CDH18: variants seen among roughly 807,000 people sequenced by gnomAD.
The protein encoded by CDH18 is cadherin-18.
In CDH18, 31 loss-of-function variants were observed where a neutral mutation model predicts 67.9. That is an observed-to-expected ratio of 0.46 (90% CI 0.34 to 0.62). The LOEUF (loss-of-function observed/expected upper bound fraction) is 0.62, where lower values mean the gene tolerates loss of function less well. Among genes scored for constraint, CDH18 ranks in the 20% least tolerant of loss-of-function variants. The pLI, the probability that CDH18 is intolerant of heterozygous loss-of-function variation, is 0.01. For missense variants in CDH18, 890 were observed against 975.5 expected (o/e 0.91, Z 1.17); for synonymous variants, 362 against 347.2 (o/e 1.04, Z -0.48).
chr5:19,683,153 T>C (rs1479135387), intron 5 of CDH18, among the ~76,000 whole-genome samples: 1 of 151,882 alleles, frequency 6.6e-6, no homozygotes, highest in African/African-American at 2.4e-5. Context: ...GAAATTTGTG[T>C]TCTGCAAGTG....
chr5:20,471,303 C>A (rs550848378), intron 1 of CDH18, among the ~76,000 whole-genome samples: 15 of 152,230 alleles, frequency 9.9e-5, no homozygotes, highest in African/African-American at 3.1e-4. Flanking sequence ...CACAGTATCA[C>A]AAGGCACCAT....
Position 20,277,996 on chromosome 5 carries a change from T to C in CDH18, c.-579-22491A>G, listed in dbSNP as rs747123803. Among the ~76,000 whole-genome samples the C allele has an allele frequency of 1.2e-3, 180 of 151,912 alleles. 1 individual carries two copies. Among genetic ancestry groups the C allele is most frequent in the Non-Finnish European group, 2.0e-3 (134 of 67,948 alleles). On this transcript the variant is annotated intron_variant, in intron 1 of 14. Coordinates refer to the CDH18 transcript ENST00000507958. ...GAGAAAAATGCAAAAAGAATAACAATAATGAAGCCTACCTGCCACATCTAG... is the reference window on the plus strand; with the variant it reads ...GAGAAAAATGCAAAAAGAATAACAACAATGAAGCCTACCTGCCACATCTAG...
At position 19,742,885 on chromosome 5, in the gene CDH18, C is replaced by A. The variant is rs145086893; in HGVS notation, c.523+4057G>T. ...TACGTTGATAAAAATTTTGTTGTCA[C>A]CTGCTTACATTATTATTAGTCTTCA... On this transcript the variant is annotated intron_variant, in intron 4 of 12. Coordinates refer to ENST00000382275, the MANE Select transcript of CDH18 (RefSeq NM_004934.5). Among the ~76,000 whole-genome samples the A allele has an allele frequency of 2.4e-4, 36 of 152,154 alleles. No individual in the cohort carries two copies. In the East Asian group the frequency reaches 6.9e-3, roughly 29 times the overall value.
chr5:20,376,666 G>A (rs1743472185), intron 1 of CDH18, among the ~76,000 whole-genome samples: 1 of 151,734 alleles, frequency 6.6e-6, no homozygotes, highest in Non-Finnish European at 1.5e-5. Flanking sequence ...ATGCCATGAT[G>A]TTCCTAAACG....
At chr5:20,040,122 G>C (rs1177329246) in intron 2 of CDH18, among the ~76,000 whole-genome samples, 1 of 152,080 alleles carries the variant, frequency 6.6e-6, no homozygotes, top group Admixed American at 6.6e-5. Context: ...CTGGTCATTA[G>C]AGAAATGTAA....
intron 1 of CDH18, among the ~76,000 whole-genome samples, chr5:20,280,119 A>G (rs1251177157): frequency 6.6e-6 from 1 of 152,168 alleles, no homozygotes; most frequent in Non-Finnish European, 1.5e-5. Context: ...TGCAATCTCT[A>G]TCAAAATATG....
chr5:20,068,253 T>C (rs552457177), intron 2 of CDH18, among the ~76,000 whole-genome samples: 1 of 152,092 alleles, frequency 6.6e-6, no homozygotes, highest in Non-Finnish European at 1.5e-5. Context: ...ACATGATGGG[T>C]CATGTACAAT....
intron 2 of CDH18, among the ~76,000 whole-genome samples, chr5:20,215,538 A>G (rs867944852): frequency 5.9e-5 from 9 of 151,952 alleles, no homozygotes; most frequent in African/African-American, 1.7e-4. Flanking sequence ...GGGAGTGTAA[A>G]TTAGTTCAAC....
At chr5:19,833,115 C>T (rs1163904763) in intron 3 of CDH18, among the ~76,000 whole-genome samples, 1 of 152,046 alleles carries the variant, frequency 6.6e-6, no homozygotes, top group African/African-American at 2.4e-5. Context: ...TTACTTTGGG[C>T]AATATGGCGA....
intron 6 of CDH18, among the ~76,000 whole-genome samples, chr5:19,607,584 A>C (rs1400715608): frequency 6.6e-6 from 1 of 151,444 alleles, no homozygotes; most frequent in Non-Finnish European, 1.5e-5. Context: ...AAAGGAGAAG[A>C]AAAGATTAGC....
intron 1 of CDH18, among the ~76,000 whole-genome samples, chr5:20,328,610 A>G (rs1175948366): frequency 1.3e-5 from 2 of 151,960 alleles, no homozygotes; most frequent in African/African-American, 4.8e-5. Context: ...TCTAATGTGG[A>G]CTATTCTTCC....
intron 1 of CDH18, among the ~76,000 whole-genome samples, chr5:20,387,405 T>C (rs1235095313): frequency 6.6e-6 from 1 of 152,148 alleles, no homozygotes; most frequent in Non-Finnish European, 1.5e-5. Flanking sequence ...TGCGATTTTT[T>C]GCACATTGAT....
chr5:19,854,196 T>C (rs565974568), intron 2 of CDH18, among the ~76,000 whole-genome samples: 71 of 152,210 alleles, frequency 4.7e-4, no homozygotes, highest in South Asian at 8.3e-4. Context: ...ACATGGATGT[T>C]AGGATAATTT....
rs10719096 is a variant in CDH18, at chr5:19,964,647, C to CAA, written c.-257+16411_-257+16412dup. On this transcript the variant is annotated intron_variant, in intron 2 of 12. Transcript: ENST00000382275. ...TGGATGGCAGGGCAAGGCCCTGTATCAAAAAAAAAAAAAAGAAAAAAAAAG... is the reference window on the plus strand; with the variant it reads ...TGGATGGCAGGGCAAGGCCCTGTATCAAAAAAAAAAAAAAAAGAAAAAAAAAG... 2.9e-3 allele frequency among the ~76,000 whole-genome samples: 226 copies of CAA among 77,254 alleles called. 1 individual carries two copies. The highest frequency in any genetic ancestry group is 7.2e-3 in the African/African-American group (214 of 29,828). 50.7% of individuals were successfully genotyped at this position (77,254 alleles called of 152,430 possible).
chr5:19,904,865 TATC>T (rs1242219039), intron 2 of CDH18, among the ~76,000 whole-genome samples: 1 of 152,172 alleles, frequency 6.6e-6, no homozygotes, highest in East Asian at 1.9e-4. Context: ...TCTTCAAAAA[TATC>T]ATGACAGTTG....
At chr5:19,498,158 T>C (rs931033877) in intron 11 of CDH18, among the ~76,000 whole-genome samples, 8 of 151,960 alleles carry the variant, frequency 5.3e-5, no homozygotes, top group African/African-American at 1.9e-4. Flanking sequence ...ACATGCCCAA[T>C]CTCTGTATCA....
intron 1 of CDH18, among the ~76,000 whole-genome samples, chr5:20,384,697 A>G (rs563860572): frequency 6.6e-6 from 1 of 152,338 alleles, no homozygotes; most frequent in South Asian, 2.1e-4. Flanking sequence ...CATTTTACAT[A>G]CCAACAACAG....
Position 19,731,256 on chromosome 5 carries a change from T to G in CDH18, c.524-9790A>C, listed in dbSNP as rs372893933. 7.8e-4 allele frequency among the ~76,000 whole-genome samples: 119 copies of G among 152,226 alleles called. No individual in the cohort carries two copies. In the South Asian group the frequency reaches 0.024, roughly 31 times the overall value. Reference sequence around the variant, plus strand: ...CGAGGTCAGAAGATCGAGACCATACTGGCTAACATGGTGAAACCCTGTCTC... The same window carrying G: ...CGAGGTCAGAAGATCGAGACCATACGGGCTAACATGGTGAAACCCTGTCTC... On this transcript the variant is annotated intron_variant, in intron 4 of 12. Coordinates refer to ENST00000382275, the MANE Select transcript of CDH18 (RefSeq NM_004934.5).
chr5:20,139,096 T>A (rs1051560361), intron 2 of CDH18, among the ~76,000 whole-genome samples: 34 of 152,232 alleles, frequency 2.2e-4, no homozygotes, highest in African/African-American at 7.7e-4. Context: ...CAAAACAGCA[T>A]GACACTGGTA....
Sources: gnomAD v4.1 joint callset for allele counts (sites outside exome capture counted in the v4.1 genomes callset) on GRCh38, gnomAD v4.1.1 for gene constraint, MANE v1.5 for transcripts, NCBI Gene and HGNC (gene_info 2026-07-23, HGNC 2026-07-21) for gene names.